Variants in ZEB1 observed in about 807,000 individuals in gnomAD.
The protein encoded by ZEB1 is zinc finger E-box binding homeobox 1, also known as zinc finger E-box-binding homeobox 1.
A neutral mutation model predicts 84.9 loss-of-function variants in ZEB1; 21 were observed. The observed-to-expected ratio is 0.25, with a 90% CI of 0.18 to 0.36. The LOEUF (loss-of-function observed/expected upper bound fraction) is 0.36, where lower values mean the gene tolerates loss of function less well. Ranked by LOEUF, ZEB1 falls within the 10% of genes least tolerant of loss-of-function variation. The pLI, the probability that ZEB1 is intolerant of heterozygous loss-of-function variation, is 1.00. For missense variants in ZEB1, 1,104 were observed against 1,330.2 expected (o/e 0.83, Z 2.65); for synonymous variants, 420 against 471.1 (o/e 0.89, Z 1.41).
At chr10:31,344,498 T>C (rs2039955841) in intron 1 of ZEB1, among the ~76,000 whole-genome samples, 1 of 152,160 alleles carries the variant, frequency 6.6e-6, no homozygotes, top group African/African-American at 2.4e-5. Context: ...TGAGTTCTGA[T>C]AATCTGTTAG....
intron 1 of ZEB1, among the ~76,000 whole-genome samples, chr10:31,342,107 A>G (rs193019385): frequency 1.4e-4 from 21 of 152,330 alleles, no homozygotes; most frequent in South Asian, 1.2e-3. Context: ...AGATTCTAGA[A>G]TGTAAGTTCC....
chr10:31,397,163 TTA>T (rs2050919715), intron 1 of ZEB1, among the ~76,000 whole-genome samples: 6 of 60,448 alleles, frequency 9.9e-5, no homozygotes, highest in African/African-American at 2.2e-4. Context: ...GGGTTTTTTA[TTA>T]TTATTATTAT....
At chr10:31,357,346 G>A (rs1251238028) in intron 1 of ZEB1, among the ~76,000 whole-genome samples, 1 of 152,168 alleles carries the variant, frequency 6.6e-6, no homozygotes, top group Non-Finnish European at 1.5e-5. Flanking sequence ...ATGAACTGTA[G>A]ATGAGAGTGT....
At chr10:31,473,729 C>CA (rs1453944172) in intron 2 of ZEB1, among the ~76,000 whole-genome samples, 1 of 149,720 alleles carries the variant, frequency 6.7e-6, no homozygotes, top group Non-Finnish European at 1.5e-5. Context: ...CATATGGAAC[C>CA]AAAAAAGAGC....
chr10:31,439,218 C>G (rs892152324), intron 1 of ZEB1, among the ~76,000 whole-genome samples: 2 of 152,174 alleles, frequency 1.3e-5, no homozygotes, highest in Admixed American at 6.6e-5. Context: ...TTTTGGAAGA[C>G]TTTCTATATC....
intron 5 of ZEB1, among the ~76,000 whole-genome samples, chr10:31,514,275 T>G (rs967264349): frequency 6.6e-6 from 1 of 152,126 alleles, no homozygotes; most frequent in Non-Finnish European, 1.5e-5. Flanking sequence ...TAGCAAAGTA[T>G]ATATTACTTT....
chr10:31,376,607 C>G (rs959124435), intron 1 of ZEB1, among the ~76,000 whole-genome samples: 1 of 151,734 alleles, frequency 6.6e-6, no homozygotes, highest in Non-Finnish European at 1.5e-5. Flanking sequence ...CAGAGTCATA[C>G]TGGTTGGGTG....
At chr10:31,340,487 C>CT (rs2039148193) in intron 1 of ZEB1, among the ~76,000 whole-genome samples, 1 of 152,152 alleles carries the variant, frequency 6.6e-6, no homozygotes, top group African/African-American at 2.4e-5. Flanking sequence ...AATCATCCAG[C>CT]TTCTGATCTT....
At chr10:31,350,588 G>A (rs1026288108) in intron 1 of ZEB1, among the ~76,000 whole-genome samples, 3 of 152,076 alleles carry the variant, frequency 2.0e-5, no homozygotes, top group African/African-American at 7.2e-5. Flanking sequence ...TAAGATACTT[G>A]GTTATCAGTT....
intron 1 of ZEB1, among the ~76,000 whole-genome samples, chr10:31,442,723 G>C (rs2059181801): frequency 1.3e-5 from 2 of 152,090 alleles, no homozygotes; most frequent in African/African-American, 4.8e-5. Flanking sequence ...GAAGCAGTTG[G>C]TGAGTTAAGA....
chr10:31,392,884 G>A (rs142736968), intron 1 of ZEB1, among the ~76,000 whole-genome samples: 2,447 of 151,898 alleles, frequency 0.016, 55 homozygotes, highest in African/African-American at 0.056. Flanking sequence ...ACCCAGCCTA[G>A]AGTGCAGTGG....
chr10:31,505,418 C>T (rs2068809512), intron 4 of ZEB1, among the ~76,000 whole-genome samples: 1 of 151,788 alleles, frequency 6.6e-6, no homozygotes, highest in African/African-American at 2.4e-5. Flanking sequence ...CTTTCAGTCC[C>T]GGACTTGAAA....
intron 1 of ZEB1, among the ~76,000 whole-genome samples, chr10:31,444,743 T>C (rs1045070792): frequency 3.3e-5 from 5 of 151,998 alleles, no homozygotes; most frequent in African/African-American, 1.2e-4. Flanking sequence ...GCGTTATTTC[T>C]GAGGGCTCTG....
At chr10:31,478,306 T>A (rs1324339665) in intron 2 of ZEB1, among the ~76,000 whole-genome samples, 2 of 152,032 alleles carry the variant, frequency 1.3e-5, no homozygotes, top group South Asian at 4.1e-4. Flanking sequence ...CAATGAGATA[T>A]TATCTTATAC....
intron 1 of ZEB1, among the ~76,000 whole-genome samples, chr10:31,440,086 G>C (rs2058741524): frequency 6.6e-6 from 1 of 152,122 alleles, no homozygotes; most frequent in African/African-American, 2.4e-5. Context: ...GTCAGATCTT[G>C]AATATATTTT....
In ZEB1 at chr10:31,391,010, C is replaced by A. The variant is rs116532223; in HGVS notation, c.59-70027C>A. 9.3e-3 allele frequency among the ~76,000 whole-genome samples: 1,421 copies of A among 152,200 alleles called. 24 individuals are homozygous for A. The highest frequency in any genetic ancestry group is 0.033 in the African/African-American group (1,356 of 41,524). On this transcript the variant is annotated intron_variant, in intron 1 of 8. Transcript: ENST00000424869. ...TTGCACCACCTCTCTCCAGAGAATA[C>A]TTTTCCTTCACAAGGTGCATGACTC...
intron 1 of ZEB1, among the ~76,000 whole-genome samples, chr10:31,438,294 T>C (rs937336499): frequency 6.6e-6 from 1 of 152,222 alleles, no homozygotes; most frequent in African/African-American, 2.4e-5. Flanking sequence ...TAAATGTTTT[T>C]CATACTTTAA....
At chr10:31,478,634 A>G (rs186599840) in intron 2 of ZEB1, among the ~76,000 whole-genome samples, 14 of 152,098 alleles carry the variant, frequency 9.2e-5, no homozygotes, top group African/African-American at 3.1e-4. Flanking sequence ...GATAAAGAAA[A>G]TGTGGTCCAT....
At chr10:31,431,887 A>G (rs913513542) in intron 1 of ZEB1, among the ~76,000 whole-genome samples, 1 of 152,250 alleles carries the variant, frequency 6.6e-6, no homozygotes, top group Non-Finnish European at 1.5e-5. Context: ...ATGAAGCAAC[A>G]TAAACATTAA....
Sources: gnomAD v4.1 joint callset for allele counts (sites outside exome capture counted in the v4.1 genomes callset) on GRCh38, gnomAD v4.1.1 for gene constraint, MANE v1.5 for transcripts, NCBI Gene and HGNC (gene_info 2026-07-23, HGNC 2026-07-21) for gene names.